Variants in PIEZO2 observed in about 807,000 individuals in gnomAD.
PIEZO2 encodes the protein piezo type mechanosensitive ion channel component 2, also known as piezo-type mechanosensitive ion channel component 2.
A neutral mutation model predicts 337.3 loss-of-function variants in PIEZO2; 172 were observed. The ratio of observed to expected loss-of-function variants is 0.51; its 90% confidence interval spans 0.45 to 0.58. The LOEUF (loss-of-function observed/expected upper bound fraction) is 0.58. PIEZO2 is among the 20% of genes least tolerant of loss of function. PIEZO2 has a pLI of 0.00. For missense variants in PIEZO2, 3,028 were observed against 3,391.3 expected (o/e 0.89, Z 2.66); for synonymous variants, 1,251 against 1,228.5 (o/e 1.02, Z -0.38).
intron 4 of PIEZO2, among the ~76,000 whole-genome samples, chr18:10,907,410 T>C (rs2030044635): frequency 6.6e-6 from 1 of 150,688 alleles, no homozygotes; most frequent in Admixed American, 6.6e-5. Flanking sequence ...GCCGCTGCAT[T>C]CCAGTCTGGG....
intron 3 of PIEZO2, among the ~76,000 whole-genome samples, chr18:10,978,372 C>A (rs575221846): frequency 6.6e-6 from 1 of 151,700 alleles, no homozygotes; most frequent in East Asian, 1.9e-4. Flanking sequence ...AAAAAAACTG[C>A]TGAACTGTAT....
At chr18:10,698,477 C>A (rs1218164431) in intron 44 of PIEZO2, among the ~76,000 whole-genome samples, 1 of 152,178 alleles carries the variant, frequency 6.6e-6, no homozygotes, top group Non-Finnish European at 1.5e-5. Context: ...TCTGATTGTA[C>A]TCGTTGTTTG....
chr18:10,810,872 C>T (rs948995848), intron 7 of PIEZO2, among the ~76,000 whole-genome samples: 11 of 152,182 alleles, frequency 7.2e-5, no homozygotes, highest in Admixed American at 7.2e-4. Context: ...CAACTGCAAT[C>T]CCATAATATG....
At position 10,726,514 on chromosome 18, in the gene PIEZO2, G is replaced by T; in HGVS notation, c.5029+4893C>A. 6.7e-7 allele frequency: 1 copy of T among 1,483,970 alleles called. No individual in the cohort carries two copies. The highest frequency in any genetic ancestry group is 1.3e-5 in the South Asian group (1 of 74,736). 91.9% of individuals were successfully genotyped at this position (1,483,970 alleles called of 1,614,324 possible). A position where few individuals can be genotyped will look rare whatever the true frequency, so the allele number is the denominator to read the frequency against. The stretch of plus-strand genomic sequence containing the variant: ...TGCTGCTCCGCAAGCAGCCGTTCCT[G>T]TGGCGCGCTGCGCTGCTCTGCTCTG... On this transcript the variant is annotated intron_variant, in intron 36 of 55. Transcript: ENST00000674853. The surrounding 1 kb of genome is among the most constrained non-coding windows in gnomAD (Gnocchi z 5.9).
intron 47 of PIEZO2, among the ~76,000 whole-genome samples, chr18:10,692,361 G>A (rs530081487): frequency 6.6e-6 from 1 of 152,270 alleles, no homozygotes; most frequent in East Asian, 1.9e-4. Flanking sequence ...AATCTTCTCT[G>A]TCCTTAAAAT....
chr18:10,750,183 C>A lies in PIEZO2; in HGVS notation c.4172G>T (p.Gly1391Val). 1 of 1,536,368 alleles carries A rather than the reference C, an allele frequency of 6.5e-7. No homozygotes were observed. Among genetic ancestry groups the A allele is most frequent in the South Asian group, 1.2e-5 (1 of 84,012 alleles). ...CAATGTTCCAATGTATCCACATGCT[C>A]CTATCTGAAAAACAAAAGAGGGGGA... ...VITMKNILSI[G>V]ACGYIGTLVH... Residue 1391 changes from glycine to valine, a missense_variant, in exon 29 of 56, where the codon GGA (glycine) becomes GTA (valine). Transcript: ENST00000674853. The surrounding 1 kb of genome is among the most constrained non-coding windows in gnomAD (Gnocchi z 4.1).
chr18:10,864,884 C>T (rs980134032), intron 5 of PIEZO2, among the ~76,000 whole-genome samples: 1 of 152,072 alleles, frequency 6.6e-6, no homozygotes, highest in Non-Finnish European at 1.5e-5. Context: ...GTGAAGTACA[C>T]AGCACAGCCC....
At chr18:11,018,220 G>GGTGTGT (rs3971612) in intron 2 of PIEZO2, among the ~76,000 whole-genome samples, 28 of 144,124 alleles carry the variant, frequency 1.9e-4, no homozygotes, top group South Asian at 6.5e-4. Context: ...TGGTGGTGGT[G>GGTGTGT]GTGTGTGTGT....
Position 10,750,189 on chromosome 18 carries a change from T to A in PIEZO2, c.4168-2A>T. 6.5e-7 allele frequency: 1 copy of A among 1,534,928 alleles called. No individual in the cohort carries two copies. On this transcript the variant is annotated splice_acceptor_variant, in intron 28 of 55. Transcript: ENST00000674853. LOFTEE classifies it high-confidence loss of function. This position sits in a 1 kb window ranked among gnomAD's most constrained non-coding sequence, Gnocchi z 4.1. ...TCCAATGTATCCACATGCTCCTATCTGAAAAACAAAAGAGGGGGATAATCC... is the reference window on the plus strand; with the variant it reads ...TCCAATGTATCCACATGCTCCTATCAGAAAAACAAAAGAGGGGGATAATCC...
intron 1 of PIEZO2, among the ~76,000 whole-genome samples, chr18:11,147,636 G>A (rs533442145): frequency 6.6e-6 from 1 of 152,368 alleles, no homozygotes; most frequent in African/African-American, 2.4e-5. Flanking sequence ...GTGAGAGGGA[G>A]AGCAAAGAAC....
chr18:10,976,648 G>A (rs1201612094), intron 3 of PIEZO2, among the ~76,000 whole-genome samples: 1 of 152,204 alleles, frequency 6.6e-6, no homozygotes, highest in African/African-American at 2.4e-5. Flanking sequence ...AAGGGAAGAT[G>A]TTATGTTAGA....
intron 7 of PIEZO2, among the ~76,000 whole-genome samples, chr18:10,843,601 T>C (rs1175799991): frequency 6.6e-6 from 1 of 152,214 alleles, no homozygotes; most frequent in East Asian, 1.9e-4. Context: ...GCCTAATCTT[T>C]ATCCACTTCG....
rs905451090 is a variant in PIEZO2 at position 10,767,655 on chromosome 18, T to C, written c.2946+2493A>G. ...AGCTCTGGTTACAGGGTGCAGAGTC[T>C]CTTTGCTGGGCTCCATGTGTACAAG... On this transcript the variant is annotated intron_variant, in intron 21 of 55. Transcript: ENST00000674853. This position sits in a 1 kb window ranked among gnomAD's most constrained non-coding sequence, Gnocchi z 4.2. Among the ~76,000 whole-genome samples, 5 of 152,176 alleles carry C rather than the reference T, an allele frequency of 3.3e-5. No individual in the cohort carries two copies. Among genetic ancestry groups the C allele is most frequent in the African/African-American group, 1.2e-4 (5 of 41,436 alleles).
rs564197798 is a variant in PIEZO2, at chr18:10,998,188, G to T, written c.161-18528C>A. ...CTGTCCTTCAGGAATGAGGCAAAAA[G>T]AAAATATCCTCAGAGGAAGGAAAAT... On this transcript the variant is annotated intron_variant, in intron 2 of 55. Coordinates refer to ENST00000674853, the MANE Select transcript of PIEZO2 (RefSeq NM_001378183.1). Among the ~76,000 whole-genome samples the T allele has an allele frequency of 5.9e-5, 9 of 152,086 alleles. No individual in the cohort carries two copies. In the South Asian group the frequency reaches 1.9e-3, roughly 32 times the overall value.
chr18:10,937,122 T>A (rs2032443459), intron 3 of PIEZO2, among the ~76,000 whole-genome samples: 1 of 152,160 alleles, frequency 6.6e-6, no homozygotes, highest in South Asian at 2.1e-4. Flanking sequence ...ACTAGAAAAT[T>A]ACGTGTAATG....
rs1190656054 is a variant in PIEZO2, at chr18:10,847,464, T to C, written c.917+7889A>G. ...GTGCAGTGGGGAAGTCTTAGGTCAC[T>C]GGGCTGGATAAACACGCAGTGCAAA... On this transcript the variant is annotated intron_variant, in intron 7 of 55. Transcript: ENST00000674853. This position sits in a 1 kb window ranked among gnomAD's most constrained non-coding sequence, Gnocchi z 5.7. Among the ~76,000 whole-genome samples, 1 of 152,180 alleles carries C rather than the reference T, an allele frequency of 6.6e-6. No homozygotes were observed. The highest frequency in any genetic ancestry group is 1.5e-5 in the Non-Finnish European group (1 of 68,024).
chr18:10,681,083 G>T (rs1460138502), intron 51 of PIEZO2, among the ~76,000 whole-genome samples: 2 of 152,094 alleles, frequency 1.3e-5, no homozygotes, highest in African/African-American at 4.8e-5. Context: ...GTCATTTATA[G>T]TCTCTGTAAT....
rs2038252303 is a variant in PIEZO2, at chr18:11,069,144, T to C, written c.65-2922A>G. Among the ~76,000 whole-genome samples, 1 of 151,974 alleles carries C rather than the reference T, an allele frequency of 6.6e-6. No homozygotes were observed. The highest frequency in any genetic ancestry group is 1.5e-5 in the Non-Finnish European group (1 of 68,018). ...TTCTTCTCAAATTCTTCCAAGAAAA[T>C]TAAAGAAGAGGGAATACTTGCAAAG... On this transcript the variant is annotated intron_variant, in intron 1 of 55. Coordinates refer to ENST00000674853, the MANE Select transcript of PIEZO2 (RefSeq NM_001378183.1). The surrounding 1 kb of genome is among the most constrained non-coding windows in gnomAD (Gnocchi z 4.9).
intron 42 of PIEZO2, among the ~76,000 whole-genome samples, chr18:10,702,428 G>A (rs541744047): frequency 2.0e-5 from 3 of 152,196 alleles, no homozygotes; most frequent in East Asian, 1.9e-4. Flanking sequence ...TCAGGGCACC[G>A]CTTTGATTAG....
Sources: allele counts gnomAD v4.1 joint callset (sites outside exome capture counted in the v4.1 genomes callset), GRCh38; gene constraint gnomAD v4.1.1; non-coding constraint Gnocchi (gnomAD v3.1); transcripts MANE v1.5; gene names NCBI Gene and HGNC (gene_info 2026-07-23, HGNC 2026-07-21).